The following PTPRN2 variants were observed in gnomAD, a reference collection of about 807,000 sequenced individuals.
PTPRN2 encodes receptor-type tyrosine-protein phosphatase N2.
Under a neutral mutation model 118.8 loss-of-function variants are expected in PTPRN2, and 74 were observed. That is an observed-to-expected ratio of 0.62 (90% CI 0.52 to 0.76). The LOEUF is 0.76. PTPRN2 is among the 30% of genes least tolerant of loss of function. PTPRN2 has a pLI of 0.00. For missense variants in PTPRN2, 1,481 were observed against 1,394.4 expected (o/e 1.06, Z -0.99); for synonymous variants, 641 against 608.0 (o/e 1.05, Z -0.80).
chr7:157,918,193 C>T (rs1285976755), intron 11 of PTPRN2, among the ~76,000 whole-genome samples: 1 of 152,212 alleles, frequency 6.6e-6, no homozygotes, highest in East Asian at 1.9e-4. Context: ...ACCAGGCCTT[C>T]ACCTCCCCGT....
chr7:157,897,056 A>G (rs1261511020), intron 12 of PTPRN2, among the ~76,000 whole-genome samples: 5 of 152,000 alleles, frequency 3.3e-5, no homozygotes, highest in Admixed American at 6.5e-5. Context: ...AGAGGGTCCC[A>G]GCCTCGACGC....
chr7:158,188,287 C>T (rs1825399581), intron 5 of PTPRN2, among the ~76,000 whole-genome samples: 1 of 116,690 alleles, frequency 8.6e-6, no homozygotes, highest in African/African-American at 3.6e-5. Flanking sequence ...TGGGGAAGGC[C>T]GCCACGCTCG....
chr7:157,820,476 C>G (rs1409180646), intron 12 of PTPRN2, among the ~76,000 whole-genome samples: 2 of 150,546 alleles, frequency 1.3e-5, no homozygotes, highest in Non-Finnish European at 2.9e-5. Context: ...AACACCCACA[C>G]TCATACACGC....
At chr7:158,075,505 A>G (rs1289291445) in intron 11 of PTPRN2, among the ~76,000 whole-genome samples, 2 of 151,738 alleles carry the variant, frequency 1.3e-5, no homozygotes, top group South Asian at 2.1e-4. Context: ...CCCGCCCCCA[A>G]CGCAGCAGGT....
At chr7:157,938,841 T>G (rs1799879291) in intron 11 of PTPRN2, among the ~76,000 whole-genome samples, 1 of 152,116 alleles carries the variant, frequency 6.6e-6, no homozygotes, top group African/African-American at 2.4e-5. Context: ...AAGGGAGGGT[T>G]TTAAATCTAC....
chr7:158,037,864 G>T (rs1248436023), intron 11 of PTPRN2, among the ~76,000 whole-genome samples: 2 of 152,238 alleles, frequency 1.3e-5, no homozygotes, highest in Admixed American at 1.3e-4. Context: ...ATTTCACATT[G>T]TCAGAACGAT....
intron 1 of PTPRN2, among the ~76,000 whole-genome samples, chr7:158,495,422 C>A (rs1821760120): frequency 6.6e-6 from 1 of 152,164 alleles, no homozygotes; most frequent in Admixed American, 6.5e-5. Context: ...AAGCCATGCA[C>A]CTGGCAAAGC....
At chr7:157,792,799 T>G (rs1422355898) in intron 12 of PTPRN2, among the ~76,000 whole-genome samples, 1 of 152,164 alleles carries the variant, frequency 6.6e-6, no homozygotes, top group East Asian at 1.9e-4. Context: ...CTAGGAGGGC[T>G]TGGGTACTTC....
chr7:157,943,320 C>T (rs572363946), intron 11 of PTPRN2, among the ~76,000 whole-genome samples: 1 of 152,264 alleles, frequency 6.6e-6, no homozygotes, highest in African/African-American at 2.4e-5. Context: ...GTCTCAGGGA[C>T]TTCCCATGCC....
intron 3 of PTPRN2, among the ~76,000 whole-genome samples, chr7:158,272,401 CTGAG>C (rs111716483): frequency 9.0e-4 from 137 of 152,336 alleles, no homozygotes; most frequent in African/African-American, 3.3e-3. Context: ...TGTCTATTGA[CTGAG>C]TTTTTCAAGT....
chr7:158,128,541 G>C (rs150829617), intron 9 of PTPRN2, among the ~76,000 whole-genome samples: 332 of 152,254 alleles, frequency 2.2e-3, no homozygotes, highest in African/African-American at 7.6e-3. Flanking sequence ...CTACTGGAAA[G>C]TCACAAGCAC....
At chr7:158,062,116 C>T (rs768372879) in intron 11 of PTPRN2, among the ~76,000 whole-genome samples, 16 of 152,370 alleles carry the variant, frequency 1.1e-4, no homozygotes, top group Non-Finnish European at 1.6e-4. Context: ...AAGCGACGGG[C>T]GACGGCCATG....
At chr7:157,895,993 G>A (rs1238621839) in intron 12 of PTPRN2, among the ~76,000 whole-genome samples, 1 of 152,080 alleles carries the variant, frequency 6.6e-6, no homozygotes, top group African/African-American at 2.4e-5. Flanking sequence ...GAAGGGGCCT[G>A]AGTGAAAGGG....
At chr7:158,164,782 T>C (rs1320380658) in intron 6 of PTPRN2, among the ~76,000 whole-genome samples, 1 of 151,980 alleles carries the variant, frequency 6.6e-6, no homozygotes, top group East Asian at 1.9e-4. Context: ...GTGACCCCAC[T>C]AGAAGGAGTA....
chr7:157,738,187 C>G (rs1269569697), intron 12 of PTPRN2, among the ~76,000 whole-genome samples: 4 of 152,180 alleles, frequency 2.6e-5, no homozygotes, highest in African/African-American at 9.7e-5. Context: ...GGAATGTGGC[C>G]GTACACAATA....
At chr7:157,739,878 C>T (rs73165810) in intron 12 of PTPRN2, among the ~76,000 whole-genome samples, 9,737 of 152,274 alleles carry the variant, frequency 0.064, 586 homozygotes, top group African/African-American at 0.16. Flanking sequence ...ACCCCCTCTG[C>T]GTGCTCACGC....
intron 2 of PTPRN2, among the ~76,000 whole-genome samples, chr7:158,430,392 G>C (rs1816073959): frequency 6.6e-6 from 1 of 152,238 alleles, no homozygotes; most frequent in Admixed American, 6.5e-5. Context: ...CTTGTGGGAA[G>C]TCTCTGGTGA....
intron 12 of PTPRN2, among the ~76,000 whole-genome samples, chr7:157,848,840 C>T (rs897433728): frequency 2.0e-5 from 3 of 152,258 alleles, no homozygotes; most frequent in Non-Finnish European, 4.4e-5. Context: ...CCAGCAGCCC[C>T]GACGCCTCTG....
chr7:158,392,864 C>T (rs1365556299), intron 2 of PTPRN2, among the ~76,000 whole-genome samples: 1 of 152,184 alleles, frequency 6.6e-6, no homozygotes, highest in African/African-American at 2.4e-5. Context: ...CCCCAGGCAG[C>T]CCCTCTCGGT....
Sources: gnomAD v4.1 joint callset for allele counts (sites outside exome capture counted in the v4.1 genomes callset) on GRCh38, gnomAD v4.1.1 for gene constraint, MANE v1.5 for transcripts, NCBI Gene and HGNC (gene_info 2026-07-23, HGNC 2026-07-21) for gene names.